Variants in TTC21B observed in about 807,000 individuals in gnomAD.
The protein encoded by TTC21B is tetratricopeptide repeat protein 21B.
A neutral mutation model predicts 175.1 loss-of-function variants in TTC21B; 127 were observed. The observed-to-expected ratio is 0.73, with a 90% confidence interval of 0.63 to 0.84. The LOEUF (loss-of-function observed/expected upper bound fraction) is 0.84. Among genes scored for constraint, TTC21B ranks in the 40% least tolerant of loss-of-function variants. The pLI is 0.00. For missense variants in TTC21B, 1,561 were observed against 1,558.3 expected, an observed-to-expected ratio of 1.00 and a Z score of -0.03; for synonymous variants, 524 against 524.5, an observed-to-expected ratio of 1.00 and a Z score of 0.01.
At chr2:165,922,566 C>CAA (rs71031215) in intron 12 of TTC21B, among the ~76,000 whole-genome samples, 5,472 of 97,376 alleles carry the variant, frequency 0.056, 253 homozygotes, top group African/African-American at 0.092. Flanking sequence ...ATTAAAAAGT[C>CAA]AAAAAAAAAA....
At chr2:165,946,715 T>C (rs913163801) in intron 3 of TTC21B, among the ~76,000 whole-genome samples, 2 of 151,988 alleles carry the variant, frequency 1.3e-5, no homozygotes, top group African/African-American at 4.8e-5. Flanking sequence ...TGGGTGCCTG[T>C]AATCCCAACT....
chr2:165,906,710 C>T (rs555612874), intron 19 of TTC21B, among the ~76,000 whole-genome samples: 14 of 152,030 alleles, frequency 9.2e-5, no homozygotes, highest in African/African-American at 2.9e-4. Context: ...GTTGGAAGGC[C>T]GTGGCAGGGG....
intron 12 of TTC21B, among the ~76,000 whole-genome samples, chr2:165,921,864 G>A (rs143054590): frequency 0.013 from 1,955 of 150,062 alleles, 53 homozygotes; most frequent in African/African-American, 0.046. Context: ...GGGAACAGGC[G>A]GTGTTTGGTT....
intron 4 of TTC21B, among the ~76,000 whole-genome samples, chr2:165,944,660 A>G (rs941013766): frequency 6.6e-6 from 1 of 152,196 alleles, no homozygotes; most frequent in African/African-American, 2.4e-5. Flanking sequence ...ATGCATGTCA[A>G]TCAGATACAA....
intron 5 of TTC21B, among the ~76,000 whole-genome samples, chr2:165,942,298 T>C (rs1255008548): frequency 2.0e-5 from 3 of 152,184 alleles, no homozygotes; most frequent in Non-Finnish European, 2.9e-5. Flanking sequence ...TAATTTCTTT[T>C]TGCTGAGTCA....
intron 20 of TTC21B, among the ~76,000 whole-genome samples, chr2:165,901,063 G>C (rs933176197): frequency 4.6e-5 from 7 of 151,618 alleles, no homozygotes; most frequent in African/African-American, 1.7e-4. Context: ...CACCATGCCT[G>C]GCTAATTTTA....
chr2:165,934,137 A>ATAGC (rs1687018193), intron 6 of TTC21B: 1 of 152,176 alleles, frequency 6.6e-6, no homozygotes, highest in Non-Finnish European at 1.5e-5. Flanking sequence ...CTATACACCA[A>ATAGC]TAGCTGCCTG....
chr2:165,877,473 T>G (rs563421208), intron 27 of TTC21B, among the ~76,000 whole-genome samples: 1 of 152,324 alleles, frequency 6.6e-6, no homozygotes, highest in East Asian at 1.9e-4. Context: ...TATGTTTACA[T>G]ACACACATTG....
chr2:165,933,019 C>T lies in TTC21B; in HGVS notation c.749G>A (p.Arg250Lys). 6.2e-7 allele frequency: 1 copy of T among 1,612,976 alleles called. No homozygotes were observed. Among genetic ancestry groups the T allele is most frequent in the Middle Eastern group, 1.7e-4 (1 of 6,054 alleles). Residue 250 changes from arginine (R) to lysine (K), a missense_variant, in exon 7 of 29, where the codon AGA becomes AAA. Coordinates refer to ENST00000243344, the MANE Select transcript of TTC21B (RefSeq NM_024753.5). ...ACACACATAGTAGAGTGCCTGCATT[C>T]TCAGTGCTTCCACATTTTGGCTATC... ...LQDSQNVEAL[R>K]MQALYYVCRE...
At chr2:165,887,665 C>T (rs111994640) in intron 25 of TTC21B, among the ~76,000 whole-genome samples, 1,646 of 150,706 alleles carry the variant, frequency 0.011, 36 homozygotes, top group African/African-American at 0.038. Flanking sequence ...CCAGCCTGGG[C>T]GACAAGAGCA....
In TTC21B at chr2:165,885,723, G is replaced by A. The variant is rs186090610; in HGVS notation, c.3460-1705C>T. On this transcript the variant is annotated intron_variant, in intron 25 of 28. Coordinates refer to ENST00000243344, the MANE Select transcript of TTC21B (RefSeq NM_024753.5). ...CTTACACTTTGAGTTTGATTAGAAC[G>A]TATCGGTTCTTCACAACTTGATTAC... is the stretch of plus-strand genomic sequence containing the variant. Among the ~76,000 whole-genome samples the A allele has an allele frequency of 1.6e-4, 24 of 152,210 alleles. 1 individual carries two copies. The highest frequency in any genetic ancestry group is 5.3e-4 in the African/African-American group (22 of 41,454).
intron 28 of TTC21B, 53 bp downstream of exon 28, chr2:165,876,112 G>T: frequency 9.7e-7 from 1 of 1,028,546 alleles, no homozygotes; most frequent in Non-Finnish European, 1.5e-6. Flanking sequence ...ATTTAAAAAA[G>T]TAGGAAATTG....
intron 8 of TTC21B, among the ~76,000 whole-genome samples, chr2:165,930,778 A>T (rs1174146141): frequency 1.9e-5 from 2 of 103,842 alleles, no homozygotes; most frequent in South Asian, 3.3e-4. Flanking sequence ...TAATATATGT[A>T]TGCTTTTTCT....
intron 11 of TTC21B, among the ~76,000 whole-genome samples, chr2:165,926,754 G>A (rs1686644144): frequency 6.6e-6 from 1 of 151,716 alleles, no homozygotes; most frequent in Non-Finnish European, 1.5e-5. Context: ...GGAATATAAA[G>A]CAGGGAGAAA....
chr2:165,915,180 T>G, intron 15 of TTC21B, 21 bp downstream of exon 15: 1 of 1,586,540 alleles, frequency 6.3e-7, no homozygotes, highest in South Asian at 1.1e-5. Context: ...CAAAATATAA[T>G]GGGTTAAGAC....
At position 165,929,237 on chromosome 2, in the gene TTC21B, T is replaced by C. The variant is rs1335939179; in HGVS notation, c.1284A>G (p.Ser428=). 1 of 1,613,054 alleles carries C rather than the reference T, an allele frequency of 6.2e-7. No homozygotes were observed. Residue 428 remains serine (S), a synonymous_variant, in exon 11 of 29, where the codon TCA becomes TCG. Transcript: ENST00000243344. ...LLNDVLDTHF[S]QLEGLPLGIQ... is the part of the protein sequence containing the mutation. ...TGCCAAGAGGCAAACCTTCTAATTG[T>C]GAAAAGTGAGTGTCCAGGACATCAT... is the stretch of plus-strand genomic sequence containing the variant.
At chr2:165,950,700 C>A (rs571837942) in intron 1 of TTC21B, among the ~76,000 whole-genome samples, 1 of 152,062 alleles carries the variant, frequency 6.6e-6, no homozygotes, top group African/African-American at 2.4e-5. Flanking sequence ...AATCTCTGCC[C>A]CCTAGGTTTA....
At chr2:165,875,813 T>C (rs1265393660) in intron 28 of TTC21B, among the ~76,000 whole-genome samples, 1 of 146,158 alleles carries the variant, frequency 6.8e-6, no homozygotes, top group East Asian at 2.2e-4. Flanking sequence ...CTGGTCTTTG[T>C]CTTTTTTTTT....
intron 19 of TTC21B, among the ~76,000 whole-genome samples, chr2:165,907,296 G>A (rs1175891144): frequency 6.6e-6 from 1 of 151,614 alleles, no homozygotes; most frequent in South Asian, 2.1e-4. Context: ...AACCACTTGG[G>A]AACATACCTA....
Sources: gnomAD v4.1 joint callset for allele counts (sites outside exome capture counted in the v4.1 genomes callset) on GRCh38, gnomAD v4.1.1 for gene constraint, MANE v1.5 for transcripts, NCBI Gene and HGNC (gene_info 2026-07-23, HGNC 2026-07-21) for gene names.